PGCKA1: variants seen among roughly 807,000 people sequenced by gnomAD.
PGCKA1 encodes PDCD10 and GCKIII kinases associated 1, also known as PDCD10 and GCKIII kinases-associated protein 1.
At chr4:37,477,132 G>C in the PGCKA1 span, among the ~76,000 whole-genome samples, 2 of 152,134 alleles carry the variant, frequency 1.3e-5, no homozygotes, top group Non-Finnish European at 2.9e-5. Flanking sequence ...TATCCCAAAA[G>C]TAGAAACAAC....
At chr4:37,517,668 G>A in the PGCKA1 span, among the ~76,000 whole-genome samples, 1 of 152,156 alleles carries the variant, frequency 6.6e-6, no homozygotes, top group Non-Finnish European at 1.5e-5. Flanking sequence ...TACATGAGAT[G>A]TTGTGATACA....
At chr4:37,490,654 G>A in the PGCKA1 span, among the ~76,000 whole-genome samples, 3 of 152,158 alleles carry the variant, frequency 2.0e-5, no homozygotes, top group Non-Finnish European at 4.4e-5. Flanking sequence ...CACCTGGACA[G>A]AGGAAGATAG....
At chr4:37,489,488 G>A in the PGCKA1 span, among the ~76,000 whole-genome samples, 1 of 152,118 alleles carries the variant, frequency 6.6e-6, no homozygotes, top group Non-Finnish European at 1.5e-5. Flanking sequence ...TTTTTCAAAT[G>A]TGAATTACAC....
chr4:37,554,540 GT>G, the PGCKA1 span, among the ~76,000 whole-genome samples: 1 of 152,076 alleles, frequency 6.6e-6, no homozygotes, highest in Admixed American at 6.5e-5. Context: ...TAGAGACAAG[GT>G]TTCACCATGT....
the PGCKA1 span, among the ~76,000 whole-genome samples, chr4:37,483,651 G>C: frequency 0.61 from 92,376 of 152,096 alleles, 28,322 homozygotes; most frequent in South Asian, 0.76. Context: ...ACCCCTATAC[G>C]CAGATATCAA....
chr4:37,502,006 C>T, the PGCKA1 span, among the ~76,000 whole-genome samples: 2 of 152,274 alleles, frequency 1.3e-5, no homozygotes, highest in South Asian at 2.1e-4. Flanking sequence ...ACACTCAGCT[C>T]CCATCTCCTA....
the PGCKA1 span, among the ~76,000 whole-genome samples, chr4:37,463,204 G>A: frequency 5.9e-5 from 9 of 152,046 alleles, no homozygotes; most frequent in East Asian, 1.9e-4. Flanking sequence ...CTGTGGCAGC[G>A]TCTCCCAGCC....
At chr4:37,582,498 C>T in the PGCKA1 span, among the ~76,000 whole-genome samples, 1 of 152,232 alleles carries the variant, frequency 6.6e-6, no homozygotes, top group East Asian at 1.9e-4. Context: ...GCAAGAAGGA[C>T]ATGCAGTGCA....
chr4:37,548,182 T>TA, the PGCKA1 span, among the ~76,000 whole-genome samples: 2 of 151,684 alleles, frequency 1.3e-5, no homozygotes, highest in African/African-American at 2.4e-5. Flanking sequence ...AAAAAAGTTA[T>TA]AAAAAAAAGT....
At chr4:37,539,640 C>T in the PGCKA1 span, among the ~76,000 whole-genome samples, 2 of 152,152 alleles carry the variant, frequency 1.3e-5, no homozygotes, top group African/African-American at 4.8e-5. Flanking sequence ...GGCGACAGAG[C>T]AAGACTCCGT....
the PGCKA1 span, among the ~76,000 whole-genome samples, chr4:37,566,971 A>T: frequency 4.6e-5 from 7 of 152,146 alleles, no homozygotes; most frequent in Non-Finnish European, 8.8e-5. Context: ...ATGCAACTGC[A>T]CCTATAAAAT....
At chr4:37,502,126 A>G in the PGCKA1 span, among the ~76,000 whole-genome samples, 1 of 152,188 alleles carries the variant, frequency 6.6e-6, no homozygotes, top group East Asian at 1.9e-4. Flanking sequence ...ACCACTAGGC[A>G]CTACACTCTG....
the PGCKA1 span, among the ~76,000 whole-genome samples, chr4:37,517,256 A>T: frequency 1.1e-4 from 16 of 146,252 alleles, no homozygotes; most frequent in East Asian, 1.9e-4. Context: ...CATCTCAAAA[A>T]ATATATATAT....
At chr4:37,581,994 C>T in the PGCKA1 span, among the ~76,000 whole-genome samples, 2 of 152,118 alleles carry the variant, frequency 1.3e-5, no homozygotes, top group African/African-American at 4.8e-5. The surrounding 1 kb of genome is among the most constrained non-coding windows in gnomAD (Gnocchi z 4.4). Flanking sequence ...GCTGGGGGGT[C>T]GTGGCTTAGC....
chr4:37,465,831 CCTT>C, the PGCKA1 span, among the ~76,000 whole-genome samples: 1 of 152,138 alleles, frequency 6.6e-6, no homozygotes, highest in Non-Finnish European at 1.5e-5. Context: ...TGAGGCCCCT[CCTT>C]CTATTCTTTT....
chr4:37,473,318 A>G, the PGCKA1 span, among the ~76,000 whole-genome samples: 1 of 152,196 alleles, frequency 6.6e-6, no homozygotes, highest in Non-Finnish European at 1.5e-5. Flanking sequence ...TTAGATATTC[A>G]TTATGTTTAA....
At chr4:37,574,736 C>G in the PGCKA1 span, among the ~76,000 whole-genome samples, 49 of 152,044 alleles carry the variant, frequency 3.2e-4, no homozygotes, top group Middle Eastern at 0.01. Flanking sequence ...TTAGCCATCC[C>G]CACTTCTCTT....
chr4:37,509,292 TGCTG>T, the PGCKA1 span, among the ~76,000 whole-genome samples: 1 of 82,636 alleles, frequency 1.2e-5, no homozygotes, highest in African/African-American at 5.7e-5. Context: ...ACAGGGCGGC[TGCTG>T]GGCGGAGGGG....
chr4:37,481,483 AAAAAAAAAAAAAAAAAAG>A, the PGCKA1 span, among the ~76,000 whole-genome samples: 7 of 75,758 alleles, frequency 9.2e-5, no homozygotes, highest in Non-Finnish European at 1.6e-4. Context: ...AAAAAAAAAA[AAAAAAAAAAAAAAAAAAG>A]AAGTCCAAGA....
Sources: gnomAD v4.1 joint callset for allele counts (sites outside exome capture counted in the v4.1 genomes callset) on GRCh38, gnomAD v4.1.1 for gene constraint, Gnocchi (gnomAD v3.1) non-coding constraint, MANE v1.5 for transcripts, NCBI Gene and HGNC (gene_info 2026-07-23, HGNC 2026-07-21) for gene names.